The following INO80D variants were observed in gnomAD, a reference collection of about 807,000 sequenced individuals.
INO80D encodes the protein INO80 complex subunit D.
Under a neutral mutation model 87.6 loss-of-function variants are expected in INO80D, and 21 were observed. The observed-to-expected ratio is 0.24, with a 90% confidence interval of 0.17 to 0.35. The LOEUF (loss-of-function observed/expected upper bound fraction) is 0.35. INO80D is among the 10% of genes least tolerant of loss of function. The probability of loss-of-function intolerance (pLI) is 1.00; values close to 1 mark genes in which losing one functional copy is unlikely to be tolerated. For synonymous variants in INO80D, 440 were observed against 491.0 expected, an observed-to-expected ratio of 0.90 and a Z score of 1.37; for missense variants, 982 against 1,280.7, an observed-to-expected ratio of 0.77 and a Z score of 3.56.
At chr2:206,047,585 G>C (rs1158100300) in intron 4 of INO80D, among the ~76,000 whole-genome samples, 1 of 151,916 alleles carries the variant, frequency 6.6e-6, no homozygotes, top group African/African-American at 2.4e-5. Context: ...CAAACAAGAG[G>C]GTGAGAAAAG....
chr2:206,017,347 T>C (rs1345375453), intron 8 of INO80D, among the ~76,000 whole-genome samples: 2 of 152,242 alleles, frequency 1.3e-5, no homozygotes, highest in African/African-American at 4.8e-5. Context: ...GGATTTATGA[T>C]AACTAGCATT....
intron 7 of INO80D, among the ~76,000 whole-genome samples, chr2:206,018,233 CG>C (rs1483888450): frequency 1.3e-5 from 2 of 152,162 alleles, no homozygotes; most frequent in African/African-American, 4.8e-5. Context: ...CTCGGCCTCC[CG>C]GGTTCAAGCA....
At chr2:206,031,904 G>A (rs553391177) in intron 5 of INO80D, among the ~76,000 whole-genome samples, 2 of 152,280 alleles carry the variant, frequency 1.3e-5, no homozygotes, top group African/African-American at 2.4e-5. Flanking sequence ...TCTCCGTTTC[G>A]AACACACACC....
chr2:206,011,534 C>T (rs1688174576), intron 8 of INO80D, among the ~76,000 whole-genome samples: 1 of 152,196 alleles, frequency 6.6e-6, no homozygotes, highest in South Asian at 2.1e-4. Context: ...AAATACTATT[C>T]ACTCCCAACT....
intron 7 of INO80D, 141 bp downstream of exon 7, chr2:206,019,594 TG>T (rs1389437854): frequency 6.2e-6 from 4 of 641,944 alleles, no homozygotes; most frequent in Non-Finnish European, 7.6e-6. Context: ...GAGGACATCA[TG>T]AAAATTATGT....
chr2:206,075,836 T>C (rs1690101753), intron 1 of INO80D, among the ~76,000 whole-genome samples: 1 of 151,384 alleles, frequency 6.6e-6, no homozygotes, highest in Non-Finnish European at 1.5e-5. Context: ...GGCGGATCAC[T>C]TGAGGTCAGG....
chr2:206,066,394 A>G (rs189150917), intron 1 of INO80D, among the ~76,000 whole-genome samples: 2 of 152,362 alleles, frequency 1.3e-5, no homozygotes, highest in Admixed American at 6.5e-5. Context: ...TGTTTATCAA[A>G]GCACTATTGA....
At chr2:206,027,553 A>G (rs1025170484) in intron 6 of INO80D, among the ~76,000 whole-genome samples, 3 of 152,130 alleles carry the variant, frequency 2.0e-5, no homozygotes, top group African/African-American at 7.2e-5. Context: ...AAATTTTTTT[A>G]ATTAGCTGGG....
chr2:206,075,638 A>G (rs1284828447), intron 1 of INO80D, among the ~76,000 whole-genome samples: 3 of 151,598 alleles, frequency 2.0e-5, no homozygotes, highest in Non-Finnish European at 4.4e-5. Context: ...GGGTTTCACC[A>G]TGTTGGCCAG....
At chr2:206,028,507 G>A (rs1688677426) in intron 5 of INO80D, among the ~76,000 whole-genome samples, 172 bp from the exon 6 acceptor site, 1 of 152,212 alleles carries the variant, frequency 6.6e-6, no homozygotes, top group South Asian at 2.1e-4. Flanking sequence ...GCTGAACTAA[G>A]TACAGTATTT....
At chr2:206,059,394 A>T (rs1340242839) in intron 3 of INO80D, among the ~76,000 whole-genome samples, 2 of 152,172 alleles carry the variant, frequency 1.3e-5, no homozygotes, top group Non-Finnish European at 2.9e-5. Context: ...AAACAAAAAA[A>T]ACAAAAAAGA....
chr2:206,014,851 C>T (rs1239048030), intron 8 of INO80D, among the ~76,000 whole-genome samples: 1 of 152,118 alleles, frequency 6.6e-6, no homozygotes, highest in African/African-American at 2.4e-5. Context: ...ACTCACTGGA[C>T]ACTTGTTGAA....
chr2:206,042,848 T>C (rs1689090261), intron 5 of INO80D, among the ~76,000 whole-genome samples: 1 of 151,968 alleles, frequency 6.6e-6, no homozygotes, highest in African/African-American at 2.4e-5. Context: ...GGCCTGCACC[T>C]GTTGTCCCAG....
intron 1 of INO80D, among the ~76,000 whole-genome samples, chr2:206,083,431 G>C (rs1333061447): frequency 2.0e-5 from 3 of 151,926 alleles, no homozygotes; most frequent in Non-Finnish European, 4.4e-5. Flanking sequence ...ACGATTTTTG[G>C]TACACATGTT....
At position 206,005,378 on chromosome 2, in the gene INO80D, C is replaced by T. The variant is rs767914360; in HGVS notation, c.2074G>A (p.Val692Met). 1 of 1,614,000 alleles carries T rather than the reference C, an allele frequency of 6.2e-7. No individual in the cohort carries two copies. Among genetic ancestry groups the T allele is most frequent in the Non-Finnish European group, 8.5e-7 (1 of 1,179,894 alleles). The change falls in exon 11 of 11, where the codon GTG becomes ATG. Residue 692 changes from valine (V) to methionine (M), a missense_variant. Coordinates refer to ENST00000403263, the MANE Select transcript of INO80D (RefSeq NM_017759.5). ...VQELSDRGIG[V>M]FSTGTGASGI... ...GAAGCTCCAGTACCTGTGGAGAACACCCCTATTCCTCTATCTGACAACTCC... is the reference window on the plus strand; with the variant it reads ...GAAGCTCCAGTACCTGTGGAGAACATCCCTATTCCTCTATCTGACAACTCC...
chr2:206,067,296 C>G (rs1198219490), intron 1 of INO80D, among the ~76,000 whole-genome samples: 1 of 149,666 alleles, frequency 6.7e-6, no homozygotes, highest in East Asian at 1.9e-4. Flanking sequence ...GGCTACAAGA[C>G]AAAGACTGGG....
intron 4 of INO80D, among the ~76,000 whole-genome samples, chr2:206,046,898 G>A (rs1020663441): frequency 4.6e-5 from 7 of 151,630 alleles, no homozygotes; most frequent in Admixed American, 3.3e-4. Context: ...CTCCTGTCTC[G>A]GCCTCCCGAG....
chr2:206,015,574 A>G (rs561002186), intron 8 of INO80D, among the ~76,000 whole-genome samples: 3 of 152,214 alleles, frequency 2.0e-5, no homozygotes, highest in Non-Finnish European at 2.9e-5. Flanking sequence ...ACCTCCGCCT[A>G]GAATACAGAA....
Position 206,085,698 on chromosome 2 carries a change from C to G in INO80D, c.-124+203G>C, listed in dbSNP as rs907781856. On this transcript the variant is annotated intron_variant, in intron 1 of 10. Transcript: ENST00000403263. The surrounding 1 kb of genome is among the most constrained non-coding windows in gnomAD (Gnocchi z 4.5). ...CCCGCCGTCGCCGCCCGCGGGCGCCCCGGAGGCCCTCAGGCCCCCGGCCTC... is the reference window on the plus strand; with the variant it reads ...CCCGCCGTCGCCGCCCGCGGGCGCCGCGGAGGCCCTCAGGCCCCCGGCCTC... 2.7e-5 allele frequency: 4 copies of G among 150,652 alleles called. No individual in the cohort carries two copies. The highest frequency in any genetic ancestry group is 2.6e-4 in the Admixed American group (4 of 15,134). The allele number at this position is 150,652 out of a possible 1,614,324, so 9.3% of individuals were successfully genotyped here. A position where few individuals can be genotyped will look rare whatever the true frequency, so the allele number is the denominator to read the frequency against.
Sources: gnomAD v4.1 joint callset for allele counts (sites outside exome capture counted in the v4.1 genomes callset) on GRCh38, gnomAD v4.1.1 for gene constraint, Gnocchi (gnomAD v3.1) non-coding constraint, MANE v1.5 for transcripts, NCBI Gene and HGNC (gene_info 2026-07-23, HGNC 2026-07-21) for gene names.